GPR180: variants seen among roughly 807,000 people sequenced by gnomAD.
GPR180 encodes the protein integral membrane protein GPR180.
A neutral mutation model predicts 52.6 loss-of-function variants in GPR180; 53 were observed. The observed-to-expected ratio is 1.01, with a 90% CI of 0.81 to 1.27. The LOEUF (loss-of-function observed/expected upper bound fraction) is 1.27. Ranked by LOEUF, GPR180 falls within the 50% of genes most tolerant of loss-of-function variation. The pLI is 0.00. For missense variants in GPR180, 533 were observed against 527.0 expected (o/e 1.01, Z -0.11); for synonymous variants, 200 against 193.1 (o/e 1.04, Z -0.30).
chr13:94,619,597 A>C, intron 5 of GPR180, 80 bp downstream of exon 5: 1 of 1,218,278 alleles, frequency 8.2e-7, no homozygotes, highest in Non-Finnish European at 1.2e-6. Context: ...CATAGTATAA[A>C]TTTTCTGTCG....
At chr13:94,624,623 T>G (rs1292706059) in intron 7 of GPR180, among the ~76,000 whole-genome samples, 2 of 152,228 alleles carry the variant, frequency 1.3e-5, no homozygotes, top group African/African-American at 4.8e-5. Context: ...AGTGGCGTGA[T>G]CTCGGCTCAC....
intron 1 of GPR180, among the ~76,000 whole-genome samples, chr13:94,602,928 CTT>C (rs1299192977): frequency 6.6e-6 from 1 of 152,080 alleles, no homozygotes; most frequent in Non-Finnish European, 1.5e-5. Context: ...TTTGTACAGT[CTT>C]TAGCATTAAA....
At chr13:94,611,848 G>T (rs1426983350) in intron 2 of GPR180, among the ~76,000 whole-genome samples, 2 of 151,116 alleles carry the variant, frequency 1.3e-5, no homozygotes, top group African/African-American at 4.9e-5. Context: ...GACAGAGGAG[G>T]CCCCTCCCAT....
rs1284494029 is a variant in GPR180, at chr13:94,629,375, C to G, written c.*2204C>G. Reference sequence around the variant, plus strand: ...TCCAGAGCTTTATTAAGAAGCATTTCTTTTCTTCCCTTAAAAAATAGATGC... The same window carrying G: ...TCCAGAGCTTTATTAAGAAGCATTTGTTTTCTTCCCTTAAAAAATAGATGC... On this transcript the variant is annotated 3_prime_UTR_variant, in exon 9 of 9. Coordinates refer to ENST00000376958, the MANE Select transcript of GPR180 (RefSeq NM_180989.6). The G allele has an allele frequency of 6.6e-6, 1 of 152,002 alleles. No homozygotes were observed. The highest frequency in any genetic ancestry group is 1.5e-5 in the Non-Finnish European group (1 of 67,942). 9.4% of individuals were successfully genotyped at this position (152,002 alleles called of 1,614,324 possible).
chr13:94,608,187 A>G (rs1455960797), intron 2 of GPR180, among the ~76,000 whole-genome samples: 1 of 152,240 alleles, frequency 6.6e-6, no homozygotes, highest in Non-Finnish European at 1.5e-5. Flanking sequence ...TATCACTGCT[A>G]GTGATTTATA....
chr13:94,631,096 TG>T lies in GPR180; in HGVS notation c.*3927del, dbSNP rs1462207763. On this transcript the variant is annotated 3_prime_UTR_variant, in exon 9 of 9. Transcript: ENST00000376958. ...ACAGGAACACCAGTTCCTGCCGGAATGGCTCCTTCAGCTTCTCTGGCTCCTG... is the reference window on the plus strand; with the variant it reads ...ACAGGAACACCAGTTCCTGCCGGAATGCTCCTTCAGCTTCTCTGGCTCCTG... The T allele has an allele frequency of 1.3e-5, 2 of 152,296 alleles. No individual in the cohort carries two copies. Among genetic ancestry groups the T allele is most frequent in the African/African-American group, 2.4e-5 (1 of 41,480 alleles). The allele number at this position is 152,296 out of a possible 1,614,324, so 9.4% of individuals were successfully genotyped here.
At position 94,627,477 on chromosome 13, in the gene GPR180, T is replaced by C. The variant is rs976537871; in HGVS notation, c.*306T>C. The C allele has an allele frequency of 3.2e-5, 10 of 314,690 alleles. No homozygotes were observed. The highest frequency in any genetic ancestry group is 2.8e-4 in the East Asian group (3 of 10,814). The allele number at this position is 314,690 out of a possible 1,614,324, so 19.5% of individuals were successfully genotyped here. ...ATTTTGGTAAAATATTCACCACTTA[T>C]AATGCCTCATCTTAATAGCTAACTC... On this transcript the variant is annotated 3_prime_UTR_variant, in exon 9 of 9. Coordinates refer to ENST00000376958, the MANE Select transcript of GPR180 (RefSeq NM_180989.6).
chr13:94,624,874 C>T lies in GPR180; in HGVS notation c.1087-1092C>T, dbSNP rs568336286. On this transcript the variant is annotated intron_variant, in intron 7 of 8. Coordinates refer to ENST00000376958, the MANE Select transcript of GPR180 (RefSeq NM_180989.6). ...TTTAAGATGGAGTTTCGCTCTTGTCCAGGCTGTAGTGCAGTGGTGCGATTT... is the reference window on the plus strand; with the variant it reads ...TTTAAGATGGAGTTTCGCTCTTGTCTAGGCTGTAGTGCAGTGGTGCGATTT... Among the ~76,000 whole-genome samples the T allele has an allele frequency of 1.1e-4, 17 of 150,804 alleles. No homozygotes were observed. In the South Asian group the frequency reaches 2.3e-3, roughly 20 times the overall value.
chr13:94,608,199 C>G (rs996099345), intron 2 of GPR180, among the ~76,000 whole-genome samples: 3 of 152,172 alleles, frequency 2.0e-5, no homozygotes, highest in Non-Finnish European at 4.4e-5. Context: ...TGATTTATAA[C>G]AAGAACTCGT....
intron 6 of GPR180, among the ~76,000 whole-genome samples, chr13:94,621,512 G>A (rs189548187): frequency 2.0e-3 from 306 of 152,240 alleles, no homozygotes; most frequent in East Asian, 0.012. Flanking sequence ...TTTAAGCACA[G>A]TATGTTTAAT....
chr13:94,605,309 G>A (rs1889614742), intron 1 of GPR180, 82 bp from the exon 2 acceptor site: 1 of 1,254,508 alleles, frequency 8.0e-7, no homozygotes, highest in Non-Finnish European at 1.1e-6. Flanking sequence ...TTCCATTTTG[G>A]TAAGTAGAGG....
chr13:94,611,550 A>G (rs1405308099), intron 2 of GPR180, among the ~76,000 whole-genome samples: 3 of 152,118 alleles, frequency 2.0e-5, no homozygotes, highest in African/African-American at 4.8e-5. Context: ...ATCAAAATTC[A>G]AAGTTTCAGC....
At position 94,631,466 on chromosome 13, in the gene GPR180, T is replaced by C. The variant is rs1249585490; in HGVS notation, c.*4295T>C. The stretch of plus-strand genomic sequence containing the variant: ...ACCATACCATCCTACCTAATGCTAT[T>C]CCCCCATCCTAGTTCTATCATATTA... On this transcript the variant is annotated 3_prime_UTR_variant, in exon 9 of 9. Transcript: ENST00000376958. The C allele has an allele frequency of 6.6e-6, 1 of 151,690 alleles. No homozygotes were observed. The highest frequency in any genetic ancestry group is 1.5e-5 in the Non-Finnish European group (1 of 67,964). The allele number at this position is 151,690 out of a possible 1,614,324, so 9.4% of individuals were successfully genotyped here.
At chr13:94,613,859 C>T (rs1289112790) in intron 3 of GPR180, among the ~76,000 whole-genome samples, 2 of 150,052 alleles carry the variant, frequency 1.3e-5, no homozygotes, top group African/African-American at 4.9e-5. Context: ...TAAATTGCTC[C>T]TCAGGTCCTT....
At chr13:94,604,338 ATAAAT>A (rs1342532826) in intron 1 of GPR180, among the ~76,000 whole-genome samples, 1 of 84,142 alleles carries the variant, frequency 1.2e-5, no homozygotes, top group Non-Finnish European at 2.4e-5. Flanking sequence ...TGTCTCAAAA[ATAAAT>A]TAAAAAAAAA....
chr13:94,626,525 T>G (rs1026751140), intron 8 of GPR180, among the ~76,000 whole-genome samples: 1 of 152,120 alleles, frequency 6.6e-6, no homozygotes, highest in African/African-American at 2.4e-5. Flanking sequence ...TTACAAGCAA[T>G]GCAGTATGTG....
chr13:94,614,068 G>A (rs927049622), intron 3 of GPR180, among the ~76,000 whole-genome samples: 2 of 151,822 alleles, frequency 1.3e-5, no homozygotes, highest in African/African-American at 4.8e-5. Flanking sequence ...TAGTAGAGAC[G>A]AGGTTCCACC....
At chr13:94,626,579 G>A (rs908114954) in intron 8 of GPR180, among the ~76,000 whole-genome samples, 1 of 152,098 alleles carries the variant, frequency 6.6e-6, no homozygotes, top group African/African-American at 2.4e-5. Flanking sequence ...GTTTACAAAG[G>A]GTGAATAGAT....
In GPR180 at chr13:94,626,979, T is replaced by C. The variant is rs748166691; in HGVS notation, c.1165-34T>C. 1.1e-5 allele frequency: 16 copies of C among 1,470,538 alleles called. No homozygotes were observed. The East Asian group carries it at 3.0e-4, about 28-fold the overall frequency. The allele number at this position is 1,470,538 out of a possible 1,614,324, so 91.1% of individuals were successfully genotyped here. A position where few individuals can be genotyped will look rare whatever the true frequency, so the allele number is the denominator to read the frequency against. ...TGAATATTATTTCTCTATTTCTGCA[T>C]GTAGTAAAAGCATTCCTTTCCTTTT... On this transcript the variant is annotated intron_variant, in intron 8 of 8. Transcript: ENST00000376958.
Sources: allele counts gnomAD v4.1 joint callset (sites outside exome capture counted in the v4.1 genomes callset), GRCh38; gene constraint gnomAD v4.1.1; transcripts MANE v1.5; gene names NCBI Gene and HGNC (gene_info 2026-07-23, HGNC 2026-07-21).